The following KANK1 variants were observed in gnomAD, a reference collection of about 807,000 sequenced individuals.
KANK1 encodes the protein KN motif and ankyrin repeat domains 1.
KANK1 carries 109 observed loss-of-function variants against 106.2 expected under a neutral mutation model. The ratio of observed to expected loss-of-function variants is 1.03; its 90% CI spans 0.88 to 1.20. The LOEUF (loss-of-function observed/expected upper bound fraction) is 1.20. Ranked by LOEUF, KANK1 falls within the 50% of genes most tolerant of loss-of-function variation. The pLI is 0.00. For missense variants in KANK1, 2,399 were observed against 1,710.7 expected, an observed-to-expected ratio of 1.40 and a Z score of -7.10; for synonymous variants, 873 against 652.2, an observed-to-expected ratio of 1.34 and a Z score of -5.16.
intron 1 of KANK1, among the ~76,000 whole-genome samples, chr9:568,255 C>A (rs992930726): frequency 2.0e-5 from 3 of 152,188 alleles, no homozygotes; most frequent in African/African-American, 7.2e-5. Context: ...ATAGTCCCTT[C>A]CATTCATTTT....
chr9:504,386 G>A (rs916054478), upstream of KANK1, among the ~76,000 whole-genome samples: 2 of 151,818 alleles, frequency 1.3e-5, no homozygotes, highest in African/African-American at 2.4e-5. Context: ...GTGCCCCGCG[G>A]GCCTGGTGGA....
chr9:577,384 C>G (rs1263993918), intron 1 of KANK1, among the ~76,000 whole-genome samples: 1 of 152,024 alleles, frequency 6.6e-6, no homozygotes, highest in Non-Finnish European at 1.5e-5. Flanking sequence ...AGAGTGCTGA[C>G]TGGTGTGTTT....
chr9:528,200 T>C (rs2059890972), intron 1 of KANK1, among the ~76,000 whole-genome samples: 1 of 152,018 alleles, frequency 6.6e-6, no homozygotes, highest in African/African-American at 2.4e-5. Flanking sequence ...GATTGGTCTT[T>C]TTGCATTCAT....
Position 708,455 on chromosome 9 carries a change from A to T in KANK1, c.38-2349A>T, listed in dbSNP as rs145553329. Among the ~76,000 whole-genome samples, 185 of 152,346 alleles carry T rather than the reference A, an allele frequency of 1.2e-3. 1 individual carries two copies. The highest frequency in any genetic ancestry group is 4.2e-3 in the African/African-American group (174 of 41,590). On this transcript the variant is annotated intron_variant, in intron 2 of 11. Coordinates refer to ENST00000382297, the MANE Select transcript of KANK1 (RefSeq NM_015158.5). ...GGCTAGAGCATGACTGCTGCTGGGC[A>T]CTTCTTTCACATAGAATTCACTTCC...
At chr9:632,240 G>A (rs1435583494) in intron 1 of KANK1, among the ~76,000 whole-genome samples, 1 of 151,812 alleles carries the variant, frequency 6.6e-6, no homozygotes, top group East Asian at 1.9e-4. Context: ...AGATTTTCTT[G>A]GCCAAAAATA....
chr9:600,564 C>T (rs996915016), intron 1 of KANK1, among the ~76,000 whole-genome samples: 1 of 151,716 alleles, frequency 6.6e-6, no homozygotes, highest in African/African-American at 2.4e-5. Context: ...GCTATATAAA[C>T]AGGTATTTTT....
intron 1 of KANK1, among the ~76,000 whole-genome samples, chr9:568,724 C>G (rs1484792001): frequency 6.6e-6 from 1 of 152,132 alleles, no homozygotes; most frequent in African/African-American, 2.4e-5. Context: ...AACTCCTGGC[C>G]TCCCACCTTA....
intron 3 of KANK1, among the ~76,000 whole-genome samples, chr9:497,939 A>G (rs1157992945): frequency 6.6e-6 from 1 of 152,086 alleles, no homozygotes; most frequent in Non-Finnish European, 1.5e-5. Context: ...TCCGTCCCAA[A>G]GGTCTGGTAT....
At chr9:732,664 T>A in intron 6 of KANK1, 47 bp downstream of exon 6, 1 of 1,593,520 alleles carries the variant, frequency 6.3e-7, no homozygotes, top group South Asian at 1.1e-5. Context: ...ACATTTAATG[T>A]ACTTTGGCAA....
chr9:570,058 T>G (rs1165057042), intron 1 of KANK1, among the ~76,000 whole-genome samples: 1 of 152,198 alleles, frequency 6.6e-6, no homozygotes, highest in South Asian at 2.1e-4. Flanking sequence ...TAGAATAGTT[T>G]TTTTCTCCTT....
chr9:477,048 C>T (rs143754496), intron 3 of KANK1, among the ~76,000 whole-genome samples: 1,832 of 152,260 alleles, frequency 0.012, 15 homozygotes, highest in Non-Finnish European at 0.02. Flanking sequence ...GCACATTTGT[C>T]TGATACTAAG....
chr9:649,033 A>C (rs1004451544), intron 1 of KANK1, among the ~76,000 whole-genome samples: 7 of 152,186 alleles, frequency 4.6e-5, no homozygotes, highest in Admixed American at 2.0e-4. Flanking sequence ...GCACAGCTTC[A>C]TCTGACATCT....
upstream of KANK1, among the ~76,000 whole-genome samples, chr9:503,017 T>A (rs1466404689): frequency 1.3e-5 from 2 of 149,400 alleles, no homozygotes; most frequent in South Asian, 2.1e-4. Flanking sequence ...TTTTTTTTTT[T>A]TTTTTTTTTT....
intron 1 of KANK1, among the ~76,000 whole-genome samples, chr9:622,567 C>A (rs1833398549): frequency 6.6e-6 from 1 of 152,160 alleles, no homozygotes; most frequent in East Asian, 1.9e-4. Context: ...AAAATTGGAC[C>A]CTTAACACCA....
At chr9:606,845 T>C (rs547049191) in intron 1 of KANK1, among the ~76,000 whole-genome samples, 1 of 151,776 alleles carries the variant, frequency 6.6e-6, no homozygotes, top group Non-Finnish European at 1.5e-5. Context: ...GTACTGTTCT[T>C]ACTACTGTGG....
At chr9:566,428 C>T (rs1056712252) in intron 1 of KANK1, among the ~76,000 whole-genome samples, 9 of 152,220 alleles carry the variant, frequency 5.9e-5, no homozygotes, top group African/African-American at 2.2e-4. Flanking sequence ...TTTGAAGACT[C>T]ATCACATTGT....
chr9:680,677 C>G (rs1387455601), intron 2 of KANK1, among the ~76,000 whole-genome samples: 3 of 152,140 alleles, frequency 2.0e-5, no homozygotes, highest in Non-Finnish European at 2.9e-5. Context: ...CAGTTAAAGT[C>G]TCCTGTGTAC....
At chr9:607,964 T>G (rs1342845834) in intron 1 of KANK1, among the ~76,000 whole-genome samples, 1 of 151,182 alleles carries the variant, frequency 6.6e-6, no homozygotes, top group Non-Finnish European at 1.5e-5. Context: ...TGTGTATAAT[T>G]TATCTAGTAC....
chr9:718,952 C>CT (rs1828525797), intron 3 of KANK1, among the ~76,000 whole-genome samples: 1 of 116,726 alleles, frequency 8.6e-6, no homozygotes, highest in Non-Finnish European at 1.9e-5. Context: ...ATGCTCGAGC[C>CT]CTTTTTTTTT....
Sources: gnomAD v4.1 joint callset for allele counts (sites outside exome capture counted in the v4.1 genomes callset) on GRCh38, gnomAD v4.1.1 for gene constraint, MANE v1.5 for transcripts, NCBI Gene and HGNC (gene_info 2026-07-23, HGNC 2026-07-21) for gene names.